Variants in ENTREP1 observed in about 807,000 individuals in gnomAD.
ENTREP1 encodes the protein Friedreich ataxia region gene X123.
At chr9:69,366,611 C>T in the ENTREP1 span, among the ~76,000 whole-genome samples, 1 of 151,938 alleles carries the variant, frequency 6.6e-6, no homozygotes, top group Non-Finnish European at 1.5e-5. Context: ...AAATCTTTGC[C>T]TAGACCAGTG....
chr9:69,346,216 C>T, the ENTREP1 span, among the ~76,000 whole-genome samples: 2 of 152,066 alleles, frequency 1.3e-5, no homozygotes, highest in African/African-American at 2.4e-5. Flanking sequence ...CTCCTGACTT[C>T]AGTTGATTTG....
the ENTREP1 span, among the ~76,000 whole-genome samples, chr9:69,340,695 A>ATGTG: frequency 7.4e-5 from 4 of 54,366 alleles, no homozygotes; most frequent in African/African-American, 2.8e-4. Flanking sequence ...GTGTGTGTGT[A>ATGTG]TGTGTGTGTG....
At chr9:69,329,572 T>G in the ENTREP1 span, 6 of 985,408 alleles carry the variant, frequency 6.1e-6, no homozygotes, top group Non-Finnish European at 7.2e-6. Flanking sequence ...AGTCTGTGTT[T>G]TTGAGCACTC....
At chr9:69,376,367 A>C in the ENTREP1 span, among the ~76,000 whole-genome samples, 1 of 152,210 alleles carries the variant, frequency 6.6e-6, no homozygotes, top group African/African-American at 2.4e-5. Flanking sequence ...GAATTGAAGC[A>C]CCTTAGCTCT....
the ENTREP1 span, chr9:69,385,905 A>G: frequency 1.9e-6 from 3 of 1,613,050 alleles, no homozygotes; most frequent in Non-Finnish European, 1.7e-6. Context: ...CTTGAGGACC[A>G]GGTCGAAGAG....
At chr9:69,377,846 A>C in the ENTREP1 span, 1 of 1,304,310 alleles carries the variant, frequency 7.7e-7, no homozygotes, top group Non-Finnish European at 1.0e-6. Context: ...TTTTCTTTGA[A>C]AAAGAAAAAG....
chr9:69,350,738 GATATAGA>G, the ENTREP1 span, among the ~76,000 whole-genome samples: 2 of 152,094 alleles, frequency 1.3e-5, no homozygotes, highest in African/African-American at 2.4e-5. Context: ...TAATAGGCTG[GATATAGA>G]ATCCTGGGTT....
the ENTREP1 span, among the ~76,000 whole-genome samples, chr9:69,346,274 C>T: frequency 6.4e-4 from 98 of 152,088 alleles, no homozygotes; most frequent in African/African-American, 1.7e-3. Flanking sequence ...TGAGCCACTG[C>T]GCTTGGCCAG....
At chr9:69,388,037 A>T in the ENTREP1 span, 2 of 1,584,280 alleles carry the variant, frequency 1.3e-6, no homozygotes, top group Non-Finnish European at 1.7e-6. Flanking sequence ...CAGGATGTGC[A>T]TGGCTATCAG....
chr9:69,327,545 T>C, the ENTREP1 span, among the ~76,000 whole-genome samples: 6 of 152,126 alleles, frequency 3.9e-5, no homozygotes, highest in Non-Finnish European at 8.8e-5. Context: ...TGAAATCAGT[T>C]TACTATTGTG....
chr9:69,371,964 C>G, the ENTREP1 span, among the ~76,000 whole-genome samples: 4 of 152,290 alleles, frequency 2.6e-5, no homozygotes, highest in African/African-American at 9.6e-5. Context: ...AGTCTTTTAT[C>G]TGAAACCTTT....
chr9:69,367,461 A>T, the ENTREP1 span, among the ~76,000 whole-genome samples: 1 of 150,932 alleles, frequency 6.6e-6, no homozygotes, highest in Non-Finnish European at 1.5e-5. Context: ...GCTCATTTTG[A>T]TAATATTAAT....
the ENTREP1 span, among the ~76,000 whole-genome samples, chr9:69,345,563 A>G: frequency 1.3e-5 from 2 of 152,178 alleles, no homozygotes; most frequent in African/African-American, 2.4e-5. Flanking sequence ...AATATTTTTT[A>G]TTAAAAAAAT....
the ENTREP1 span, among the ~76,000 whole-genome samples, chr9:69,345,450 T>C: frequency 6.6e-6 from 1 of 152,214 alleles, no homozygotes; most frequent in South Asian, 2.1e-4. Flanking sequence ...TTTTATTTCA[T>C]ATTTATAGTT....
chr9:69,330,543 A>G, the ENTREP1 span, among the ~76,000 whole-genome samples: 1 of 152,386 alleles, frequency 6.6e-6, no homozygotes, highest in East Asian at 1.9e-4. Context: ...TGTAAAAAAA[A>G]TCGCAGTGAA....
chr9:69,371,632 T>G, the ENTREP1 span: 16 of 1,468,708 alleles, frequency 1.1e-5, no homozygotes, highest in Admixed American at 1.5e-4. Context: ...AAAACATCAC[T>G]GTGCATCTAG....
the ENTREP1 span, among the ~76,000 whole-genome samples, chr9:69,340,703 GTGTA>G: frequency 1.5e-5 from 2 of 136,624 alleles, no homozygotes; most frequent in Non-Finnish European, 3.0e-5. Flanking sequence ...GTATGTGTGT[GTGTA>G]TGTGTGTGTG....
the ENTREP1 span, among the ~76,000 whole-genome samples, chr9:69,364,156 G>A: frequency 6.6e-6 from 1 of 152,124 alleles, no homozygotes; most frequent in Admixed American, 6.5e-5. Context: ...ATAACACTGT[G>A]TACATTGTAT....
chr9:69,357,848 G>T, the ENTREP1 span, among the ~76,000 whole-genome samples: 1 of 152,070 alleles, frequency 6.6e-6, no homozygotes, highest in Admixed American at 6.5e-5. Context: ...TTTTTTTCCA[G>T]TGCCATCGTG....
Sources: gnomAD v4.1 joint callset for allele counts (sites outside exome capture counted in the v4.1 genomes callset) on GRCh38, gnomAD v4.1.1 for gene constraint, MANE v1.5 for transcripts, NCBI Gene and HGNC (gene_info 2026-07-23, HGNC 2026-07-21) for gene names.